The following PVT1 variants were observed in gnomAD, a reference collection of about 807,000 sequenced individuals.
The protein encoded by PVT1 is Pvt1 oncogene, also known as CXCR4/PVT1 fusion.
intron 3 of PVT1, among the ~76,000 whole-genome samples, chr8:127,921,759 G>A (rs1451005012): frequency 6.8e-6 from 1 of 147,308 alleles, no homozygotes; most frequent in African/African-American, 2.5e-5. Context: ...GTTGCAGTGA[G>A]CCAACATCAC....
intron 2 of PVT1, among the ~76,000 whole-genome samples, chr8:127,829,120 A>G (rs1563616039): frequency 6.6e-6 from 1 of 152,126 alleles, no homozygotes. Flanking sequence ...TACTAAAAAT[A>G]CAAAAAATTA....
intron 3 of PVT1, among the ~76,000 whole-genome samples, chr8:127,958,655 A>G (rs7010121): frequency 0.63 from 95,276 of 152,024 alleles, 30,095 homozygotes; most frequent in Middle Eastern, 0.71. Context: ...CCAGAGGTAG[A>G]TGAGAGCCAG....
chr8:128,030,880 C>T (rs535351662), intron 4 of PVT1, among the ~76,000 whole-genome samples: 8 of 152,344 alleles, frequency 5.3e-5, no homozygotes, highest in African/African-American at 1.7e-4. Context: ...AATCCCTCAG[C>T]CCCAGTCCCA....
intron 3 of PVT1, among the ~76,000 whole-genome samples, chr8:127,948,997 G>A (rs534833344): frequency 1.3e-3 from 194 of 152,294 alleles, no homozygotes; most frequent in African/African-American, 4.3e-3. Flanking sequence ...GACTTTCATC[G>A]GAGGCTCACT....
chr8:127,838,305 G>A (rs891984673), intron 2 of PVT1, among the ~76,000 whole-genome samples: 10 of 152,162 alleles, frequency 6.6e-5, no homozygotes, highest in African/African-American at 1.9e-4. Flanking sequence ...TGTCTTGCAA[G>A]GCTATGGACA....
intron 4 of PVT1, among the ~76,000 whole-genome samples, chr8:127,990,983 C>A (rs2076899): frequency 0.26 from 40,255 of 152,002 alleles, 5,454 homozygotes; most frequent in East Asian, 0.41. Flanking sequence ...AATTAAAAAT[C>A]CTTTCCATTG....
At chr8:127,982,668 TAATTAATTAATAAAATA>T (rs895036799) in intron 3 of PVT1, among the ~76,000 whole-genome samples, 1 of 145,696 alleles carries the variant, frequency 6.9e-6, no homozygotes, top group African/African-American at 2.8e-5. Context: ...ATTAATTAAT[TAATTAATTAATAAAATA>T]AATGAATCAA....
At chr8:127,831,748 C>T (rs186381099) in intron 2 of PVT1, among the ~76,000 whole-genome samples, 10 of 152,186 alleles carry the variant, frequency 6.6e-5, no homozygotes, top group African/African-American at 1.4e-4. Context: ...GCTAAGAGGT[C>T]GGGTAGAATG....
chr8:127,907,504 A>G (rs557297846), intron 3 of PVT1, among the ~76,000 whole-genome samples: 5 of 152,184 alleles, frequency 3.3e-5, no homozygotes, highest in Non-Finnish European at 7.3e-5. Flanking sequence ...CGTGCTGGCC[A>G]GCACTCCGGA....
In PVT1 at chr8:127,868,784, T is replaced by TACGTATATATATGTATATAC. The variant is rs1288162949; in HGVS notation, n.373-21804_373-21803insCGTATATATATGTATATACA. 4.5e-4 allele frequency among the ~76,000 whole-genome samples: 38 copies of TACGTATATATATGTATATAC among 84,134 alleles called. 3 individuals are homozygous for TACGTATATATATGTATATAC. The highest frequency in any genetic ancestry group is 1.6e-3 in the African/African-American group (20 of 12,454). The allele number at this position is 84,134 out of a possible 152,430, so 55.2% of individuals were successfully genotyped here. On this transcript the variant is annotated intron_variant and non_coding_transcript_variant, in intron 2 of 10. Transcript: ENST00000651587. The stretch of plus-strand genomic sequence containing the variant: ...CTTCCTTTTAACATATATATATATA[T>TACGTATATATATGTATATAC]ATATATATACATATATATGTACATA...
chr8:127,921,184 A>G (rs1193043782), intron 3 of PVT1, among the ~76,000 whole-genome samples: 1 of 152,166 alleles, frequency 6.6e-6, no homozygotes, highest in South Asian at 2.1e-4. Flanking sequence ...TGAACCACAC[A>G]CGCTTACTGA....
At chr8:127,890,512 A>G (rs1434422377) in intron 2 of PVT1, 1 of 152,252 alleles carries the variant, frequency 6.6e-6, no homozygotes, top group East Asian at 1.9e-4. Context: ...GCCAAACACA[A>G]GGAGGAAAGA....
At chr8:128,066,085 A>G (rs1305340716) in intron 4 of PVT1, among the ~76,000 whole-genome samples, 5 of 152,252 alleles carry the variant, frequency 3.3e-5, no homozygotes, top group African/African-American at 1.2e-4. Flanking sequence ...GGCTGGGTGC[A>G]GAGCATGCCA....
intron 3 of PVT1, among the ~76,000 whole-genome samples, chr8:127,910,785 T>C (rs1221990903): frequency 6.6e-6 from 1 of 152,116 alleles, no homozygotes; most frequent in Non-Finnish European, 1.5e-5. Context: ...AAGTATAATG[T>C]CTAATGTCAC....
rs1017403558 is a variant in PVT1, at chr8:128,061,118, G to A, written n.913-9042G>A. Among the ~76,000 whole-genome samples the A allele has an allele frequency of 3.3e-5, 5 of 152,104 alleles. No individual in the cohort carries two copies. The South Asian group carries it at 6.2e-4, about 19-fold the overall frequency. ...AGAGACGGGGTTTCGCCATGTTGGC[G>A]AGGCTGGTCTCAAACTCCTGACCTC... On this transcript the variant is annotated intron_variant and non_coding_transcript_variant, in intron 4 of 10. Coordinates refer to ENST00000651587, the Ensembl canonical transcript of PVT1.
At chr8:127,956,641 C>T (rs1334481892) in intron 3 of PVT1, among the ~76,000 whole-genome samples, 5 of 152,234 alleles carry the variant, frequency 3.3e-5, no homozygotes, top group African/African-American at 7.2e-5. Flanking sequence ...CGCGCCACCA[C>T]GCCCAGCTAA....
chr8:127,993,650 G>A (rs918785162), intron 4 of PVT1, among the ~76,000 whole-genome samples: 1 of 152,156 alleles, frequency 6.6e-6, no homozygotes, highest in African/African-American at 2.4e-5. Flanking sequence ...CTTGGAGAAC[G>A]TTTTCTTGAG....
intron 2 of PVT1, among the ~76,000 whole-genome samples, chr8:127,880,602 T>A (rs1815455099): frequency 7.1e-6 from 1 of 141,566 alleles, no homozygotes; most frequent in Non-Finnish European, 1.5e-5. Flanking sequence ...GGCCCTTTTT[T>A]TTTTTTTTTT....
chr8:127,813,158 GTATATAATATATACAAATA>G (rs1251268670), intron 2 of PVT1, among the ~76,000 whole-genome samples: 17 of 127,826 alleles, frequency 1.3e-4, no homozygotes, highest in Non-Finnish European at 2.5e-4. Flanking sequence ...AAAAATATAT[GTATATAATATATACAAATA>G]TATATAATAT....
Sources: gnomAD v4.1 joint callset for allele counts (sites outside exome capture counted in the v4.1 genomes callset) on GRCh38, gnomAD v4.1.1 for gene constraint, MANE v1.5 for transcripts, NCBI Gene and HGNC (gene_info 2026-07-23, HGNC 2026-07-21) for gene names.